OXR1: variants seen among roughly 807,000 people sequenced by gnomAD.
OXR1 encodes oxidation resistance protein 1.
A neutral mutation model predicts 104.6 loss-of-function variants in OXR1; 41 were observed. The ratio of observed to expected loss-of-function variants is 0.39; its 90% CI spans 0.31 to 0.51. The LOEUF (loss-of-function observed/expected upper bound fraction) is 0.51, where lower values mean the gene tolerates loss of function less well. OXR1 is among the 20% of genes least tolerant of loss of function. The pLI is 0.77. For missense variants in OXR1, 955 were observed against 1,031.9 expected, an observed-to-expected ratio of 0.93 and a Z score of 1.02; for synonymous variants, 348 against 348.4, an observed-to-expected ratio of 1.00 and a Z score of 0.01.
intron 3 of OXR1, among the ~76,000 whole-genome samples, chr8:106,554,281 T>C (rs1816094379): frequency 6.6e-6 from 1 of 152,222 alleles, no homozygotes; most frequent in South Asian, 2.1e-4. Context: ...TGAGAAAACA[T>C]CAGACAGATG....
At chr8:106,467,092 C>T (rs1178715855) in intron 2 of OXR1, among the ~76,000 whole-genome samples, 2 of 151,820 alleles carry the variant, frequency 1.3e-5, no homozygotes, top group Non-Finnish European at 2.9e-5. Context: ...TTCCCAAAGC[C>T]TGACATTTTT....
intron 7 of OXR1, chr8:106,697,552 T>A (rs1830166850): frequency 6.2e-7 from 1 of 1,611,742 alleles, no homozygotes; most frequent in African/African-American, 1.3e-5. Flanking sequence ...CTCCTTGGAT[T>A]TCTTAGGGAA....
chr8:106,530,632 T>C (rs763903772), intron 3 of OXR1, among the ~76,000 whole-genome samples: 17 of 152,228 alleles, frequency 1.1e-4, no homozygotes, highest in Non-Finnish European at 2.2e-4. Context: ...GTTTTGAAAC[T>C]ACTTTTACTA....
chr8:106,320,067 T>C (rs972368388), intron 1 of OXR1, among the ~76,000 whole-genome samples: 5 of 152,200 alleles, frequency 3.3e-5, no homozygotes, highest in African/African-American at 1.2e-4. Flanking sequence ...CAGTGGTAAC[T>C]ATGATTGACA....
chr8:106,660,159 C>G (rs1825614205), intron 3 of OXR1, among the ~76,000 whole-genome samples: 1 of 152,164 alleles, frequency 6.6e-6, no homozygotes. Context: ...TCATTTGGAG[C>G]AGAATTAGTG....
intron 1 of OXR1, among the ~76,000 whole-genome samples, chr8:106,309,715 A>T (rs960658011): frequency 6.6e-6 from 1 of 151,310 alleles, no homozygotes; most frequent in African/African-American, 2.4e-5. Flanking sequence ...AATTTTAGTC[A>T]TCTTTGGACA....
intron 2 of OXR1, among the ~76,000 whole-genome samples, chr8:106,393,682 A>G (rs1817668662): frequency 6.6e-6 from 1 of 152,038 alleles, no homozygotes; most frequent in Non-Finnish European, 1.5e-5. Context: ...AAGGTGCTAT[A>G]TTTCAGATAT....
chr8:106,685,662 T>C (rs1320216191), intron 6 of OXR1, among the ~76,000 whole-genome samples: 1 of 150,914 alleles, frequency 6.6e-6, no homozygotes, highest in Non-Finnish European at 1.5e-5. Flanking sequence ...ATTTGGCCAG[T>C]GATATGAGTA....
rs62515246 is a variant in OXR1, at chr8:106,417,653, C to G, written c.23+58017C>G. Among the ~76,000 whole-genome samples, 809 of 152,232 alleles carry G rather than the reference C, an allele frequency of 5.3e-3. 1 individual carries two copies. Among genetic ancestry groups the G allele is most frequent in the Non-Finnish European group, 8.9e-3 (608 of 68,000 alleles). On this transcript the variant is annotated intron_variant, in intron 2 of 16. Coordinates refer to ENST00000517566, the MANE Select transcript of OXR1 (RefSeq NM_001198533.2). The stretch of plus-strand genomic sequence containing the variant: ...AGAAAAATGTCTTAAGTTTCCCAAT[C>G]AGCCCAATTTTGTGATGTAAACAGG...
At chr8:106,508,779 C>T (rs1354605570) in intron 2 of OXR1, among the ~76,000 whole-genome samples, 3 of 152,110 alleles carry the variant, frequency 2.0e-5, no homozygotes, top group Non-Finnish European at 4.4e-5. Context: ...ACCTTCTTTT[C>T]CTGTCTTTTG....
chr8:106,539,962 A>T (rs1487080804), intron 3 of OXR1, among the ~76,000 whole-genome samples: 1 of 152,226 alleles, frequency 6.6e-6, no homozygotes, highest in Non-Finnish European at 1.5e-5. Flanking sequence ...AATAATATTT[A>T]TATAATTGAT....
At chr8:106,451,593 A>G (rs1954749) in intron 2 of OXR1, among the ~76,000 whole-genome samples, 77,607 of 152,026 alleles carry the variant, frequency 0.51, 22,568 homozygotes, top group African/African-American at 0.79. Flanking sequence ...TAGTTTTGAT[A>G]ATGTTGAAGT....
chr8:106,667,003 A>C (rs1826405183), intron 3 of OXR1, among the ~76,000 whole-genome samples: 1 of 152,222 alleles, frequency 6.6e-6, no homozygotes, highest in South Asian at 2.1e-4. Flanking sequence ...GTCTCACTAG[A>C]GACATTTCAA....
At chr8:106,615,182 C>A (rs1052532341) in intron 3 of OXR1, among the ~76,000 whole-genome samples, 1 of 152,016 alleles carries the variant, frequency 6.6e-6, no homozygotes, top group East Asian at 1.9e-4. Flanking sequence ...GTAATCCCAA[C>A]ACTTTGGGAG....
At chr8:106,362,244 G>T (rs2130347177) in intron 2 of OXR1, among the ~76,000 whole-genome samples, 1 of 152,218 alleles carries the variant, frequency 6.6e-6, no homozygotes, top group Non-Finnish European at 1.5e-5. Flanking sequence ...AGTGTAGTCT[G>T]CCTACTATGA....
chr8:106,328,422 A>T (rs1034775010), intron 1 of OXR1, among the ~76,000 whole-genome samples: 1 of 152,248 alleles, frequency 6.6e-6, no homozygotes, highest in African/African-American at 2.4e-5. Context: ...AAAGATTATG[A>T]TGACATTTTT....
At chr8:106,639,988 C>G (rs1283540334) in intron 3 of OXR1, among the ~76,000 whole-genome samples, 2 of 152,076 alleles carry the variant, frequency 1.3e-5, no homozygotes, top group African/African-American at 4.8e-5. Context: ...ATCTTGTAAC[C>G]TCCCTGCCAT....
chr8:106,417,413 A>G (rs1818722430), intron 2 of OXR1, among the ~76,000 whole-genome samples: 1 of 152,142 alleles, frequency 6.6e-6, no homozygotes, highest in African/African-American at 2.4e-5. Context: ...GGTTTACTAT[A>G]GTGTGTTATG....
At chr8:106,390,246 A>G (rs991027446) in intron 2 of OXR1, among the ~76,000 whole-genome samples, 5 of 152,308 alleles carry the variant, frequency 3.3e-5, no homozygotes, top group Admixed American at 1.3e-4. Flanking sequence ...TTATTCCACA[A>G]ATATTATTTG....
Sources: allele counts gnomAD v4.1 joint callset (sites outside exome capture counted in the v4.1 genomes callset), GRCh38; gene constraint gnomAD v4.1.1; transcripts MANE v1.5; gene names NCBI Gene and HGNC (gene_info 2026-07-23, HGNC 2026-07-21).